The following PHACTR1 variants were observed in gnomAD, a reference collection of about 807,000 sequenced individuals.
PHACTR1 encodes RPEL repeat containing 1.
In PHACTR1, 16 loss-of-function variants were observed where a neutral mutation model predicts 69.2. That is an observed-to-expected ratio of 0.23 (90% CI 0.16 to 0.35). The LOEUF (loss-of-function observed/expected upper bound fraction) is 0.35, where lower values mean the gene tolerates loss of function less well. Among genes scored for constraint, PHACTR1 ranks in the 10% least tolerant of loss-of-function variants. The pLI, the probability that PHACTR1 is intolerant of heterozygous loss-of-function variation, is 1.00. For missense variants in PHACTR1, 510 were observed against 734.7 expected (o/e 0.69, Z 3.54); for synonymous variants, 312 against 284.5 (o/e 1.10, Z -0.97).
intron 7 of PHACTR1, among the ~76,000 whole-genome samples, chr6:13,197,706 A>G (rs1764630093): frequency 6.6e-6 from 1 of 152,142 alleles, no homozygotes; most frequent in Admixed American, 6.5e-5. Flanking sequence ...ATCTAGAATC[A>G]TTCTTCTGAG....
intron 6 of PHACTR1, among the ~76,000 whole-genome samples, chr6:13,175,141 T>C (rs1761147058): frequency 6.6e-6 from 1 of 152,158 alleles, no homozygotes; most frequent in Non-Finnish European, 1.5e-5. Flanking sequence ...TATAAAACTT[T>C]GTTTAGCCAA....
intron 8 of PHACTR1, among the ~76,000 whole-genome samples, chr6:13,218,957 C>T (rs1024569813): frequency 5.3e-5 from 8 of 151,514 alleles, no homozygotes; most frequent in Admixed American, 2.6e-4. Flanking sequence ...GTTATCTACC[C>T]GGGCTCTCAA....
intron 6 of PHACTR1, among the ~76,000 whole-genome samples, chr6:13,176,570 T>C (rs1761350065): frequency 6.6e-6 from 1 of 152,182 alleles, no homozygotes; most frequent in Non-Finnish European, 1.5e-5. Context: ...TTCTGTTTGG[T>C]GTACAACATT....
At chr6:13,032,848 AC>A (rs1802665702) in intron 4 of PHACTR1, among the ~76,000 whole-genome samples, 1 of 152,118 alleles carries the variant, frequency 6.6e-6, no homozygotes, top group South Asian at 2.1e-4. Context: ...CAATCCACTC[AC>A]CATGGCCTCC....
chr6:12,924,904 C>A (rs145006543), intron 4 of PHACTR1, among the ~76,000 whole-genome samples: 1 of 152,062 alleles, frequency 6.6e-6, no homozygotes, highest in African/African-American at 2.4e-5. Flanking sequence ...AATTGATGAT[C>A]ATAATGAAAA....
intron 4 of PHACTR1, among the ~76,000 whole-genome samples, chr6:13,010,667 C>T (rs934238159): frequency 2.0e-5 from 3 of 152,082 alleles, no homozygotes; most frequent in African/African-American, 7.2e-5. Flanking sequence ...TCATATTTTA[C>T]GTAGTGGGGT....
At chr6:13,181,918 A>G (rs555545878) in intron 6 of PHACTR1, among the ~76,000 whole-genome samples, 3 of 152,246 alleles carry the variant, frequency 2.0e-5, no homozygotes, top group Non-Finnish European at 4.4e-5. Context: ...AATAATTTTA[A>G]TTTACTTTTT....
chr6:12,744,583 G>A (rs564754444), intron 3 of PHACTR1, among the ~76,000 whole-genome samples: 32 of 152,180 alleles, frequency 2.1e-4, no homozygotes, highest in Non-Finnish European at 4.4e-4. Context: ...TATCAGAAAG[G>A]GGTCCCAATC....
intron 4 of PHACTR1, 41 bp downstream of exon 4, chr6:12,749,831 C>T (rs1231144042): frequency 4.7e-6 from 7 of 1,484,548 alleles, no homozygotes; most frequent in South Asian, 2.6e-5. Context: ...CCCCGCCCTG[C>T]TCCCTCCCTC....
chr6:13,086,986 C>A (rs1313268367), intron 5 of PHACTR1, among the ~76,000 whole-genome samples: 4 of 151,910 alleles, frequency 2.6e-5, no homozygotes, highest in African/African-American at 9.7e-5. Context: ...CACTGTAATT[C>A]AAATTTGCAT....
intron 10 of PHACTR1, chr6:13,265,014 C>T (rs527509024): frequency 7.8e-6 from 1 of 127,434 alleles, no homozygotes; most frequent in African/African-American, 3.2e-5. Context: ...CAGAGTGAGG[C>T]CCCATCTCTG....
At chr6:12,972,280 C>G (rs1048164877) in intron 4 of PHACTR1, among the ~76,000 whole-genome samples, 2 of 152,332 alleles carry the variant, frequency 1.3e-5, no homozygotes, top group African/African-American at 2.4e-5. Context: ...TCTTTCTACT[C>G]CACTCTGCCG....
chr6:13,210,243 A>G (rs11756770), intron 8 of PHACTR1, among the ~76,000 whole-genome samples: 2,759 of 152,160 alleles, frequency 0.018, 86 homozygotes, highest in African/African-American at 0.059. Flanking sequence ...TCGAACTCAT[A>G]GTCTAAAGTG....
intron 4 of PHACTR1, among the ~76,000 whole-genome samples, chr6:13,031,823 A>G (rs930903533): frequency 1.6e-4 from 25 of 152,254 alleles, no homozygotes; most frequent in South Asian, 2.1e-4. Flanking sequence ...AAGGAATACA[A>G]TAGTAGTAAG....
chr6:13,176,716 C>A (rs1415652377), intron 6 of PHACTR1, among the ~76,000 whole-genome samples: 1 of 151,830 alleles, frequency 6.6e-6, no homozygotes, highest in African/African-American at 2.4e-5. Context: ...CATTTTTATT[C>A]TGGTTTTAAA....
At chr6:12,877,960 G>C (rs1032662075) in intron 4 of PHACTR1, among the ~76,000 whole-genome samples, 6 of 152,238 alleles carry the variant, frequency 3.9e-5, no homozygotes, top group African/African-American at 1.4e-4. Flanking sequence ...CTCACAGTGG[G>C]GAAGATCAAA....
chr6:12,837,978 A>G (rs546525017), intron 4 of PHACTR1, among the ~76,000 whole-genome samples: 1 of 152,288 alleles, frequency 6.6e-6, no homozygotes, highest in Non-Finnish European at 1.5e-5. Context: ...CTGGGGAAGG[A>G]GCCATTTCCA....
rs56305254 is a variant in PHACTR1, at chr6:13,193,357, G to GTATATATATATATATATATATATATA, written c.664+10674_664+10699dup. On this transcript the variant is annotated intron_variant, in intron 7 of 14. Coordinates refer to ENST00000332995, the MANE Select transcript of PHACTR1 (RefSeq NM_030948.6). ...ATTCTACCTCTTAATAGCTCTCTGT[G>GTATATATATATATATATATATATATA]TATATATATATATATATATATATAT... Among the ~76,000 whole-genome samples, 596 of 67,960 alleles carry GTATATATATATATATATATATATATA rather than the reference G, an allele frequency of 8.8e-3. 60 individuals carry two copies. Among genetic ancestry groups the GTATATATATATATATATATATATATA allele is most frequent in the Middle Eastern group, 0.018 (2 of 114 alleles). The allele number at this position is 67,960 out of a possible 152,430, so 44.6% of individuals were successfully genotyped here.
chr6:13,212,730 G>A (rs532563754), intron 8 of PHACTR1, among the ~76,000 whole-genome samples: 7 of 152,096 alleles, frequency 4.6e-5, no homozygotes, highest in South Asian at 2.1e-4. Flanking sequence ...GGACATTCTC[G>A]GACGTGCCGG....
Sources: allele counts gnomAD v4.1 joint callset (sites outside exome capture counted in the v4.1 genomes callset), GRCh38; gene constraint gnomAD v4.1.1; transcripts MANE v1.5; gene names NCBI Gene and HGNC (gene_info 2026-07-23, HGNC 2026-07-21).